MAN1A1: variants seen among roughly 807,000 people sequenced by gnomAD.
The protein encoded by MAN1A1 is mannosyl-oligosaccharide 1,2-alpha-mannosidase IA.
In MAN1A1, 29 loss-of-function variants were observed where a neutral mutation model predicts 70.8. The ratio of observed to expected loss-of-function variants is 0.41; its 90% CI spans 0.31 to 0.56. MAN1A1 has a LOEUF of 0.56. Among genes scored for constraint, MAN1A1 ranks in the 20% least tolerant of loss-of-function variants. MAN1A1 has a pLI of 0.29. For synonymous variants in MAN1A1, 349 were observed against 330.1 expected (o/e 1.06, Z -0.62); for missense variants, 747 against 841.3 (o/e 0.89, Z 1.39).
Position 119,349,224 on chromosome 6 carries a change from G to A in MAN1A1, c.-159C>T, listed in dbSNP as rs975865563. The A allele has an allele frequency of 3.3e-6, 4 of 1,214,082 alleles. No individual in the cohort carries two copies. The highest frequency in any genetic ancestry group is 8.5e-5 in the South Asian group (2 of 23,644). 75.2% of individuals were successfully genotyped at this position (1,214,082 alleles called of 1,614,324 possible). ...CCCTGGGGGAACAACTCCGCGCCGG[G>A]TCTTCTCCCCGGGGCGGCTCCTCGG... On this transcript the variant is annotated 5_prime_UTR_variant, in exon 2 of 13. Transcript: ENST00000368468.
intron 2 of MAN1A1, among the ~76,000 whole-genome samples, chr6:119,309,461 A>G (rs1270035232): frequency 1.3e-5 from 2 of 152,234 alleles, no homozygotes; most frequent in Admixed American, 6.5e-5. Context: ...AGTTCTCATG[A>G]GCTGGCAGGA....
intron 6 of MAN1A1, among the ~76,000 whole-genome samples, chr6:119,239,294 G>A (rs1048759203): frequency 7.9e-5 from 12 of 152,122 alleles, no homozygotes; most frequent in African/African-American, 1.9e-4. Context: ...CTGTACTTAC[G>A]CGCAGCTGCA....
In MAN1A1 at chr6:119,255,274, G is replaced by GA. The variant is rs539989300; in HGVS notation, c.898-6921dup. On this transcript the variant is annotated intron_variant, in intron 5 of 12. Transcript: ENST00000368468. ...AAGCTTTTCTTCAAATGCTCATGTT[G>GA]AAAACTTCACCATTAAAAGATCAAA... Among the ~76,000 whole-genome samples the GA allele has an allele frequency of 3.3e-5, 5 of 152,266 alleles. No homozygotes were observed. The South Asian group carries it at 1.0e-3, about 32-fold the overall frequency.
intron 5 of MAN1A1, among the ~76,000 whole-genome samples, chr6:119,259,089 C>T (rs1775537209): frequency 6.6e-6 from 1 of 152,192 alleles, no homozygotes; most frequent in South Asian, 2.1e-4. Context: ...TGTCCACACA[C>T]TAAATGGTCC....
chr6:119,309,298 A>G (rs188139467), intron 2 of MAN1A1, among the ~76,000 whole-genome samples: 44 of 152,340 alleles, frequency 2.9e-4, no homozygotes, highest in African/African-American at 1.0e-3. Context: ...CTTCAATTTA[A>G]AAGTCACATA....
intron 5 of MAN1A1, among the ~76,000 whole-genome samples, chr6:119,257,000 T>C (rs569315528): frequency 1.5e-4 from 23 of 152,234 alleles, no homozygotes; most frequent in Admixed American, 5.2e-4. Flanking sequence ...AGGTAGAGAA[T>C]AAATTAAGTG....
intron 6 of MAN1A1, among the ~76,000 whole-genome samples, chr6:119,205,085 G>A (rs966662566): frequency 1.3e-5 from 2 of 152,136 alleles, no homozygotes; most frequent in African/African-American, 4.8e-5. Flanking sequence ...AATTACTGTT[G>A]ACTTAATTTA....
chr6:119,341,178 C>A lies in MAN1A1; in HGVS notation c.603+7285G>T, dbSNP rs149675521. 1.2e-3 allele frequency among the ~76,000 whole-genome samples: 187 copies of A among 152,184 alleles called. 1 individual carries two copies. Among genetic ancestry groups the A allele is most frequent in the African/African-American group, 4.4e-3 (182 of 41,490 alleles). On this transcript the variant is annotated intron_variant, in intron 2 of 12. Transcript: ENST00000368468. ...TTTTTTTTCAAGTACCTAATGATCA[C>A]AGAAGTCTTTATCAAAACTCAGTGG...
intron 6 of MAN1A1, among the ~76,000 whole-genome samples, chr6:119,221,634 G>A (rs1020160056): frequency 6.6e-6 from 1 of 151,972 alleles, no homozygotes; most frequent in Non-Finnish European, 1.5e-5. Context: ...TGTATTTTTA[G>A]TAGAGACAGG....
In MAN1A1 at chr6:119,179,875, G is replaced by C. The variant is rs201316964; in HGVS notation, c.1906C>G (p.His636Asp). Residue 636 changes from histidine to aspartate, a missense_variant, in exon 13 of 13, where the codon CAT becomes GAT. Around this residue, in one of 2 missense-constraint regions of MAN1A1, gnomAD observed 419 missense variants for 548.2 expected, o/e 0.76. Transcript: ENST00000368468. ...TCTTTAGGGAGGATAGGGAGAAGAT[G>C]TGCCTCGCTATTGAAGATCCAATGC... ...LEHWIFNSEA[H>D]LLPILPKDKK... 6.2e-7 allele frequency: 1 copy of C among 1,612,262 alleles called. No homozygotes were observed. The highest frequency in any genetic ancestry group is 1.3e-5 in the African/African-American group (1 of 74,838).
chr6:119,314,454 T>A (rs536916804), intron 2 of MAN1A1, among the ~76,000 whole-genome samples: 1 of 152,338 alleles, frequency 6.6e-6, no homozygotes, highest in East Asian at 1.9e-4. Flanking sequence ...GAATTTGATA[T>A]AATTTAACAC....
chr6:119,237,781 C>T (rs1774894578), intron 6 of MAN1A1, among the ~76,000 whole-genome samples: 1 of 152,156 alleles, frequency 6.6e-6, no homozygotes, highest in African/African-American at 2.4e-5. Context: ...ATTAGTCCTA[C>T]TTTAACAAAT....
intron 2 of MAN1A1, among the ~76,000 whole-genome samples, chr6:119,307,926 T>C (rs748496518): frequency 6.6e-6 from 1 of 152,172 alleles, no homozygotes; most frequent in Non-Finnish European, 1.5e-5. Flanking sequence ...GAGATCAGTA[T>C]CATTTTATTA....
intron 6 of MAN1A1, among the ~76,000 whole-genome samples, chr6:119,228,883 C>T (rs1456452043): frequency 6.6e-6 from 1 of 152,124 alleles, no homozygotes; most frequent in Admixed American, 6.6e-5. Flanking sequence ...TGTGACCCTC[C>T]CTTGTTCTCA....
chr6:119,268,859 G>T (rs1775832544), intron 5 of MAN1A1, among the ~76,000 whole-genome samples: 1 of 152,142 alleles, frequency 6.6e-6, no homozygotes, highest in Admixed American at 6.5e-5. Flanking sequence ...CGGATTACAG[G>T]TGTAAGCCAA....
intron 2 of MAN1A1, among the ~76,000 whole-genome samples, chr6:119,314,737 T>C (rs1772805938): frequency 6.6e-6 from 1 of 152,090 alleles, no homozygotes; most frequent in African/African-American, 2.4e-5. Flanking sequence ...AAATGACACA[T>C]GCCGAATCAG....
At position 119,206,166 on chromosome 6, in the gene MAN1A1, C is replaced by T. The variant is rs116356995; in HGVS notation, c.993-1284G>A. 6.3e-3 allele frequency among the ~76,000 whole-genome samples: 964 copies of T among 152,256 alleles called. 15 individuals are homozygous for T. Among genetic ancestry groups the T allele is most frequent in the African/African-American group, 0.022 (918 of 41,540 alleles). ...AGAGGGGCTGGCCAGGAACCAGAGG[C>T]AGCTGTTACACTGCAGAATGGAGGA... On this transcript the variant is annotated intron_variant, in intron 6 of 12. Coordinates refer to ENST00000368468, the MANE Select transcript of MAN1A1 (RefSeq NM_005907.4).
rs568381008 is a variant in MAN1A1, at chr6:119,342,357, T to C, written c.603+6106A>G. 3.3e-5 allele frequency among the ~76,000 whole-genome samples: 5 copies of C among 152,328 alleles called. No individual in the cohort carries two copies. The South Asian group carries it at 8.3e-4, about 25-fold the overall frequency. ...ATGGATCAATGCAATCTTGGCTTGA[T>C]GGCTTTAGGTGGTGACCAGTAACAG... is the stretch of plus-strand genomic sequence containing the variant. On this transcript the variant is annotated intron_variant, in intron 2 of 12. Transcript: ENST00000368468.
At chr6:119,295,176 G>T (rs910631007) in intron 4 of MAN1A1, among the ~76,000 whole-genome samples, 3 of 152,080 alleles carry the variant, frequency 2.0e-5, no homozygotes, top group African/African-American at 7.2e-5. Flanking sequence ...CTAGGCAACA[G>T]AGAAAATGAA....
Sources: allele counts gnomAD v4.1 joint callset (sites outside exome capture counted in the v4.1 genomes callset), GRCh38; gene constraint gnomAD v4.1.1; regional missense constraint gnomAD v4.1.1; transcripts MANE v1.5; gene names NCBI Gene and HGNC (gene_info 2026-07-23, HGNC 2026-07-21).